Variants in ZNF503 observed in about 807,000 individuals in gnomAD.
The protein encoded by ZNF503 is NocA-like zinc finger 2.
Under a neutral mutation model 34.4 loss-of-function variants are expected in ZNF503, and 15 were observed. The ratio of observed to expected loss-of-function variants is 0.44; its 90% CI spans 0.29 to 0.67. ZNF503 has a LOEUF of 0.67. ZNF503 is among the 30% of genes least tolerant of loss of function. The pLI, the probability that ZNF503 is intolerant of heterozygous loss-of-function variation, is 0.13. For synonymous variants in ZNF503, 580 were observed against 456.8 expected (o/e 1.27, Z -3.44); for missense variants, 1,007 against 926.8 (o/e 1.09, Z -1.12).
At position 75,398,918 on chromosome 10, in the gene ZNF503, C is replaced by A; in HGVS notation, c.1772G>T (p.Ser591Ile). 1 of 1,574,992 alleles carries A rather than the reference C, an allele frequency of 6.3e-7. No homozygotes were observed. The highest frequency in any genetic ancestry group is 8.6e-7 in the Non-Finnish European group (1 of 1,163,842). Residue 591 changes from serine to isoleucine, a missense_variant, in exon 2 of 2, where the codon AGC becomes ATC. Coordinates refer to ENST00000372524, the MANE Select transcript of ZNF503 (RefSeq NM_032772.6). Reference sequence around the variant, plus strand: ...GCTGAGTCCCAGCGCGTGGTGGGGGCTGCGCAGCGCCAGCGTCCCAGGGCT... The same window carrying A: ...GCTGAGTCCCAGCGCGTGGTGGGGGATGCGCAGCGCCAGCGTCCCAGGGCT... Reference protein sequence around the residue: ...PGSPGTLALRSPHHALGLSSR... With the variant: ...PGSPGTLALRIPHHALGLSSR...
the ZNF503 span, among the ~76,000 whole-genome samples, chr10:75,293,296 G>T: frequency 1.3e-5 from 2 of 152,130 alleles, no homozygotes; most frequent in East Asian, 3.8e-4. Context: ...CTGGGCCAGG[G>T]GTCATAGGAC....
the ZNF503 span, among the ~76,000 whole-genome samples, chr10:75,299,765 G>A: frequency 1.3e-5 from 2 of 152,182 alleles, no homozygotes; most frequent in Non-Finnish European, 1.5e-5. Context: ...CTGCCGAGCC[G>A]TGAAACCAGC....
chr10:75,345,651 AAG>A, the ZNF503 span, among the ~76,000 whole-genome samples: 1 of 149,902 alleles, frequency 6.7e-6, no homozygotes, highest in African/African-American at 2.5e-5. Flanking sequence ...AAAAAAAAAA[AAG>A]AAAAGAAAAG....
Position 75,397,907 on chromosome 10 carries a change from C to A in ZNF503, c.*842G>T, listed in dbSNP as rs1158334016. The A allele has an allele frequency of 6.6e-6, 1 of 152,636 alleles. No homozygotes were observed. Among genetic ancestry groups the A allele is most frequent in the East Asian group, 1.9e-4 (1 of 5,198 alleles). The allele number at this position is 152,636 out of a possible 1,614,324, so 9.5% of individuals were successfully genotyped here. ...CGATACATTGTCTATTATTTTAGTACATGACGTAAACCTTGTCCCCTTCTC... is the reference window on the plus strand; with the variant it reads ...CGATACATTGTCTATTATTTTAGTAAATGACGTAAACCTTGTCCCCTTCTC... On this transcript the variant is annotated 3_prime_UTR_variant, in exon 2 of 2. Coordinates refer to ENST00000372524, the MANE Select transcript of ZNF503 (RefSeq NM_032772.6).
the ZNF503 span, among the ~76,000 whole-genome samples, chr10:75,317,520 C>T: frequency 1.8e-4 from 27 of 149,912 alleles, no homozygotes; most frequent in Admixed American, 1.5e-3. Flanking sequence ...CTCTTGACCT[C>T]GTGATCCGCC....
the ZNF503 span, among the ~76,000 whole-genome samples, chr10:75,285,095 TATC>T: frequency 2.6e-5 from 4 of 152,244 alleles, no homozygotes; most frequent in African/African-American, 9.6e-5. Flanking sequence ...AACCCTGACT[TATC>T]AACATAACTA....
the ZNF503 span, among the ~76,000 whole-genome samples, chr10:75,339,821 C>G: frequency 6.6e-6 from 1 of 152,002 alleles, no homozygotes; most frequent in Non-Finnish European, 1.5e-5. Flanking sequence ...ACCATTGATT[C>G]GTCATGGGAA....
chr10:75,400,898 A>C, intron 1 of ZNF503: 1 of 729,530 alleles, frequency 1.4e-6, no homozygotes, highest in Non-Finnish European at 2.2e-6. Flanking sequence ...AAGTATTGGC[A>C]GCCTTGCTCC....
At position 75,398,697 on chromosome 10, in the gene ZNF503, C is replaced by A; in HGVS notation, c.*52G>T. Reference sequence around the variant, plus strand: ...GGCCGTGATCCCGCCTCTCCCTGGACTCCTCCCCTCCCCCTCTCCCTCCTC... The same window carrying A: ...GGCCGTGATCCCGCCTCTCCCTGGAATCCTCCCCTCCCCCTCTCCCTCCTC... On this transcript the variant is annotated 3_prime_UTR_variant, in exon 2 of 2. Coordinates refer to ENST00000372524, the MANE Select transcript of ZNF503 (RefSeq NM_032772.6). 7.5e-7 allele frequency: 1 copy of A among 1,341,548 alleles called. No homozygotes were observed. Among genetic ancestry groups the A allele is most frequent in the Non-Finnish European group, 9.5e-7 (1 of 1,050,480 alleles). 83.1% of individuals were successfully genotyped at this position (1,341,548 alleles called of 1,614,324 possible).
chr10:75,311,170 G>A, the ZNF503 span, among the ~76,000 whole-genome samples: 1 of 152,176 alleles, frequency 6.6e-6, no homozygotes. Context: ...GGACTCCAAT[G>A]TTCGAGGGCA....
the ZNF503 span, among the ~76,000 whole-genome samples, chr10:75,298,361 T>A: frequency 1.2e-4 from 19 of 152,318 alleles, 1 homozygote; most frequent in African/African-American, 4.6e-4. Flanking sequence ...CACTTTTCCC[T>A]CCCTTTAGTC....
At chr10:75,282,698 T>C in the ZNF503 span, among the ~76,000 whole-genome samples, 7 of 152,168 alleles carry the variant, frequency 4.6e-5, no homozygotes, top group African/African-American at 1.4e-4. Context: ...CATAAGGGGC[T>C]CTCAAGATCT....
At chr10:75,343,410 T>C in the ZNF503 span, 1 of 152,390 alleles carries the variant, frequency 6.6e-6, no homozygotes, top group East Asian at 1.9e-4. Flanking sequence ...TGCACATGGA[T>C]TCGGTGTGTT....
chr10:75,394,408 A>T (rs932209890), downstream of ZNF503, among the ~76,000 whole-genome samples: 7 of 152,256 alleles, frequency 4.6e-5, no homozygotes, highest in Non-Finnish European at 1.0e-4. Context: ...CCAGGCTGCT[A>T]GCCACATTCG....
At chr10:75,280,875 A>C in the ZNF503 span, among the ~76,000 whole-genome samples, 5 of 152,148 alleles carry the variant, frequency 3.3e-5, no homozygotes, top group Non-Finnish European at 7.4e-5. Flanking sequence ...GAAATTAGGC[A>C]GGGGAAGAAA....
At chr10:75,332,173 CT>C in the ZNF503 span, among the ~76,000 whole-genome samples, 1 of 152,018 alleles carries the variant, frequency 6.6e-6, no homozygotes, top group Non-Finnish European at 1.5e-5. Flanking sequence ...GAATTAGTGG[CT>C]CGATGTTTTT....
At chr10:75,328,953 G>A in the ZNF503 span, among the ~76,000 whole-genome samples, 103 of 152,068 alleles carry the variant, frequency 6.8e-4, no homozygotes, top group Non-Finnish European at 1.4e-3. Flanking sequence ...CACCATGTTG[G>A]CCAGGCTGGT....
At chr10:75,292,479 A>G in the ZNF503 span, among the ~76,000 whole-genome samples, 1 of 152,244 alleles carries the variant, frequency 6.6e-6, no homozygotes, top group East Asian at 1.9e-4. Flanking sequence ...GGCTTCTTCC[A>G]GATAGAAGCT....
the ZNF503 span, among the ~76,000 whole-genome samples, chr10:75,289,085 T>G: frequency 6.6e-6 from 1 of 152,114 alleles, no homozygotes; most frequent in Admixed American, 6.6e-5. Context: ...AATCTTCCCA[T>G]GAGTACAACT....
Sources: gnomAD v4.1 joint callset for allele counts (sites outside exome capture counted in the v4.1 genomes callset) on GRCh38, gnomAD v4.1.1 for gene constraint, MANE v1.5 for transcripts, NCBI Gene and HGNC (gene_info 2026-07-23, HGNC 2026-07-21) for gene names.